Variants in ATP13A5 observed in about 807,000 individuals in gnomAD.
ATP13A5 encodes the protein ATPase 13A5, also known as probable cation-transporting ATPase 13A5.
A neutral mutation model predicts 150.2 loss-of-function variants in ATP13A5; 149 were observed. The observed-to-expected ratio is 0.99, with a 90% CI of 0.87 to 1.14. The LOEUF (loss-of-function observed/expected upper bound fraction) is 1.14. Ranked by LOEUF, ATP13A5 falls within the 50% of genes most tolerant of loss-of-function variation. ATP13A5 has a pLI of 0.00. For missense variants in ATP13A5, 1,383 were observed against 1,449.3 expected (o/e 0.95, Z 0.74); for synonymous variants, 497 against 522.2 (o/e 0.95, Z 0.66).
At chr3:193,352,183 T>C (rs1245026789) in intron 6 of ATP13A5, among the ~76,000 whole-genome samples, 1 of 152,258 alleles carries the variant, frequency 6.6e-6, no homozygotes, top group Non-Finnish European at 1.5e-5. Context: ...TGACATGTGG[T>C]AAATAAGTTA....
intron 5 of ATP13A5, among the ~76,000 whole-genome samples, chr3:193,359,715 C>T (rs181819974): frequency 9.9e-5 from 15 of 152,212 alleles, no homozygotes; most frequent in Non-Finnish European, 1.5e-5. Flanking sequence ...ACCAGCAAAC[C>T]CTGTCTATCA....
intron 5 of ATP13A5, among the ~76,000 whole-genome samples, chr3:193,361,872 T>G (rs767458642): frequency 1.3e-5 from 2 of 152,196 alleles, no homozygotes; most frequent in African/African-American, 2.4e-5. Context: ...TCAATGAATA[T>G]ATTAACTTAC....
chr3:193,328,928 G>A (rs929258242), intron 12 of ATP13A5, among the ~76,000 whole-genome samples: 6 of 152,146 alleles, frequency 3.9e-5, no homozygotes, highest in African/African-American at 1.4e-4. Flanking sequence ...GACGATTGTG[G>A]TTGAATCTGC....
intron 12 of ATP13A5, among the ~76,000 whole-genome samples, chr3:193,330,270 A>G (rs1711579463): frequency 1.3e-5 from 2 of 152,036 alleles, no homozygotes; most frequent in African/African-American, 2.4e-5. Flanking sequence ...CGCCATCTAC[A>G]CTCCCATTTT....
chr3:193,299,294 C>A (rs1299998263), intron 24 of ATP13A5, 91 bp from the exon 25 acceptor site: 7 of 945,144 alleles, frequency 7.4e-6, no homozygotes, highest in Admixed American at 2.9e-5. Flanking sequence ...CGTTAGGAGG[C>A]AGCTGTTACT....
chr3:193,376,039 G>A (rs1211382265), intron 1 of ATP13A5, among the ~76,000 whole-genome samples: 2 of 152,136 alleles, frequency 1.3e-5, no homozygotes, highest in East Asian at 3.9e-4. Flanking sequence ...AGCAAGTGGG[G>A]CGAGGCTGTC....
In ATP13A5 at chr3:193,354,210, A is replaced by G. The variant is rs138503780; in HGVS notation, c.537-14T>C. On this transcript the variant is annotated splice_polypyrimidine_tract_variant and intron_variant, in intron 5 of 29. Transcript: ENST00000342358. ...CACACTAATCTTCTGCGGGAAATTG[A>G]TCATCCATTAGTGTCATAGCTACAA... The G allele has an allele frequency of 1.5e-3, 2,357 of 1,608,328 alleles. 29 individuals carry two copies. The African/African-American group carries it at 0.027, about 19-fold the overall frequency.
At chr3:193,344,371 G>A (rs772576211) in intron 8 of ATP13A5, among the ~76,000 whole-genome samples, 9 of 152,180 alleles carry the variant, frequency 5.9e-5, no homozygotes, top group Non-Finnish European at 8.8e-5. Context: ...TCTCGTCCGG[G>A]TTTCTGATTC....
chr3:193,315,614 T>C (rs1719019698), intron 17 of ATP13A5, among the ~76,000 whole-genome samples: 1 of 152,200 alleles, frequency 6.6e-6, no homozygotes, highest in Non-Finnish European at 1.5e-5. Context: ...AAGTGATGGC[T>C]TATAGTCCAA....
At chr3:193,280,577 T>C (rs1717443794) in intron 27 of ATP13A5, among the ~76,000 whole-genome samples, 1 of 152,232 alleles carries the variant, frequency 6.6e-6, no homozygotes, top group Non-Finnish European at 1.5e-5. Flanking sequence ...GCATTTCTTC[T>C]TTCCATCCTG....
At chr3:193,300,016 C>A (rs1439405277) in intron 24 of ATP13A5, among the ~76,000 whole-genome samples, 3 of 152,094 alleles carry the variant, frequency 2.0e-5, no homozygotes, top group Non-Finnish European at 4.4e-5. Context: ...TAGGTCTAGA[C>A]CACTAGAATG....
intron 25 of ATP13A5, among the ~76,000 whole-genome samples, chr3:193,294,173 A>C (rs1718074251): frequency 6.6e-6 from 1 of 152,130 alleles, no homozygotes; most frequent in South Asian, 2.1e-4. Context: ...ACAGATGGAA[A>C]CAGTAAGAAT....
At chr3:193,328,345 C>A (rs1209283208) in intron 12 of ATP13A5, among the ~76,000 whole-genome samples, 2 of 152,212 alleles carry the variant, frequency 1.3e-5, no homozygotes, top group South Asian at 4.1e-4. Context: ...ATTTCTTAAA[C>A]AACAACTTTT....
intron 12 of ATP13A5, among the ~76,000 whole-genome samples, chr3:193,327,489 A>G (rs1405535684): frequency 6.6e-6 from 1 of 152,182 alleles, no homozygotes; most frequent in Non-Finnish European, 1.5e-5. Context: ...CATCTGGTTC[A>G]CAGTAATTTT....
intron 12 of ATP13A5, 136 bp from the exon 13 acceptor site, chr3:193,327,193 T>G (rs1577351871): frequency 1.3e-6 from 1 of 745,386 alleles, no homozygotes; most frequent in African/African-American, 1.9e-5. Context: ...GTACCAAATT[T>G]TAAATCAGAG....
At chr3:193,336,706 T>A (rs1039098800) in intron 9 of ATP13A5, among the ~76,000 whole-genome samples, 1 of 152,230 alleles carries the variant, frequency 6.6e-6, no homozygotes, top group Non-Finnish European at 1.5e-5. Flanking sequence ...TACGTGTGCA[T>A]GTGTCTTTAT....
In ATP13A5 at chr3:193,362,468, T is replaced by C. The variant is rs371268881; in HGVS notation, c.456-7A>G. 1.6e-5 allele frequency: 26 copies of C among 1,613,952 alleles called. No homozygotes were observed. In the African/African-American group the frequency reaches 3.1e-4, roughly 19 times the overall value. Reference sequence around the variant, plus strand: ...ATTGCTGTCTTCTAGCAACCTAGGATGTATTCAGGATAGGAACCACACTTC... The same window carrying C: ...ATTGCTGTCTTCTAGCAACCTAGGACGTATTCAGGATAGGAACCACACTTC... On this transcript the variant is annotated splice_polypyrimidine_tract_variant and splice_region_variant and intron_variant, in intron 4 of 29. Transcript: ENST00000342358.
intron 23 of ATP13A5, among the ~76,000 whole-genome samples, chr3:193,302,138 A>T (rs1302525493): frequency 6.6e-6 from 1 of 152,096 alleles, no homozygotes; most frequent in Non-Finnish European, 1.5e-5. Flanking sequence ...ACCCACATCC[A>T]CTTCATTTCT....
At chr3:193,363,465 C>T in intron 2 of ATP13A5, 83 bp from the exon 3 acceptor site, 11 of 1,322,834 alleles carry the variant, frequency 8.3e-6, no homozygotes, top group Non-Finnish European at 1.1e-5. Context: ...CCAAGTGGTA[C>T]AAAACTTTGA....
Sources: gnomAD v4.1 joint callset for allele counts (sites outside exome capture counted in the v4.1 genomes callset) on GRCh38, gnomAD v4.1.1 for gene constraint, MANE v1.5 for transcripts, NCBI Gene and HGNC (gene_info 2026-07-23, HGNC 2026-07-21) for gene names.